The following SCNN1B variants were observed in gnomAD, a reference collection of about 807,000 sequenced individuals.
SCNN1B encodes sodium channel epithelial 1 subunit beta, also known as epithelial sodium channel subunit beta.
Under a neutral mutation model 65.3 loss-of-function variants are expected in SCNN1B, and 46 were observed. The ratio of observed to expected loss-of-function variants is 0.70; its 90% CI spans 0.56 to 0.90. The LOEUF (loss-of-function observed/expected upper bound fraction) is 0.90, where lower values mean the gene tolerates loss of function less well. Ranked by LOEUF, SCNN1B falls within the 40% of genes least tolerant of loss-of-function variation. The pLI is 0.00. For missense variants in SCNN1B, 751 were observed against 830.5 expected (o/e 0.90, Z 1.18); for synonymous variants, 349 against 330.6 (o/e 1.06, Z -0.60).
intron 1 of SCNN1B, among the ~76,000 whole-genome samples, chr16:23,310,524 T>C (rs1421673021): frequency 2.6e-5 from 4 of 152,064 alleles, no homozygotes; most frequent in African/African-American, 9.7e-5. Flanking sequence ...ACCTCTATAA[T>C]AAAAGAATGA....
intron 2 of SCNN1B, among the ~76,000 whole-genome samples, chr16:23,294,889 A>C (rs1960974055): frequency 6.6e-6 from 1 of 152,046 alleles, no homozygotes; most frequent in Admixed American, 6.6e-5. Context: ...GCTACTCGGG[A>C]GGCTGAGGCA....
At chr16:23,327,744 C>A (rs770731781) in intron 1 of SCNN1B, among the ~76,000 whole-genome samples, 21 of 152,128 alleles carry the variant, frequency 1.4e-4, no homozygotes, top group Non-Finnish European at 2.8e-4. Flanking sequence ...AAATGTGGTG[C>A]TTGGCTAGCA....
intron 2 of SCNN1B, among the ~76,000 whole-genome samples, chr16:23,349,523 C>T (rs1032135944): frequency 1.3e-5 from 2 of 152,090 alleles, no homozygotes; most frequent in African/African-American, 2.4e-5. Flanking sequence ...GCATTCCAGC[C>T]TGGGTAACAG....
intron 4 of SCNN1B, among the ~76,000 whole-genome samples, chr16:23,360,783 G>A (rs930744303): frequency 2.0e-5 from 3 of 150,640 alleles, no homozygotes; most frequent in African/African-American, 7.3e-5. Context: ...TTGGTTTTTG[G>A]TTTTTGGTTT....
intron 1 of SCNN1B, chr16:23,303,945 G>A (rs1961139139): frequency 1.3e-6 from 1 of 786,444 alleles, no homozygotes; most frequent in African/African-American, 1.7e-5. Context: ...AAGTAGAAAT[G>A]GTACAACCCA....
intron 1 of SCNN1B, among the ~76,000 whole-genome samples, chr16:23,318,248 A>T (rs1961513223): frequency 6.6e-6 from 1 of 152,158 alleles, no homozygotes; most frequent in Non-Finnish European, 1.5e-5. Context: ...ACTTACTCTC[A>T]CTGTGTGATT....
At chr16:23,372,212 T>C in intron 7 of SCNN1B, 1 of 424,512 alleles carries the variant, frequency 2.4e-6, no homozygotes, top group South Asian at 2.2e-5. Flanking sequence ...TGAAATGCTG[T>C]GCGAAGGGCT....
chr16:23,324,820 CAA>C (rs1415282274), intron 1 of SCNN1B, among the ~76,000 whole-genome samples: 1 of 152,204 alleles, frequency 6.6e-6, no homozygotes, highest in Non-Finnish European at 1.5e-5. Flanking sequence ...TGCTGGCTGT[CAA>C]CACACACCAC....
chr16:23,379,426 G>T (rs1183228114), intron 11 of SCNN1B, among the ~76,000 whole-genome samples: 1 of 152,154 alleles, frequency 6.6e-6, no homozygotes, highest in African/African-American at 2.4e-5. Context: ...GTCTGCCTGA[G>T]AGATAAGGGA....
chr16:23,295,216 G>A (rs192079061), intron 2 of SCNN1B, among the ~76,000 whole-genome samples: 1 of 152,004 alleles, frequency 6.6e-6, no homozygotes. Context: ...TTAATGTTTG[G>A]CCTTACTTCA....
chr16:23,345,609 C>G (rs866034253), intron 1 of SCNN1B, among the ~76,000 whole-genome samples: 2 of 152,316 alleles, frequency 1.3e-5, no homozygotes, highest in Non-Finnish European at 1.5e-5. Context: ...GTCTCTCCTT[C>G]AGTTATTCCA....
intron 1 of SCNN1B, among the ~76,000 whole-genome samples, chr16:23,282,697 T>A (rs1011722093): frequency 6.6e-6 from 1 of 152,186 alleles, no homozygotes. Flanking sequence ...CCATGTCAGT[T>A]TACTATTGCC....
At chr16:23,325,687 G>A (rs1961681262) in intron 1 of SCNN1B, among the ~76,000 whole-genome samples, 1 of 151,850 alleles carries the variant, frequency 6.6e-6, no homozygotes, top group Non-Finnish European at 1.5e-5. Flanking sequence ...CCCCTGTTCT[G>A]CCAAATAGTA....
intron 1 of SCNN1B, among the ~76,000 whole-genome samples, chr16:23,335,550 C>T (rs967813235): frequency 3.3e-5 from 5 of 151,114 alleles, no homozygotes; most frequent in East Asian, 1.9e-4. Context: ...CAGGTTCAAG[C>T]GATTCTCCTG....
rs140465818 is a variant in SCNN1B, at chr16:23,362,665, A to G, written c.777-5191A>G. ...CCTCTCTGGGTGAAGAGTATTATCAACAAGCAAATAGTTGGCACGCACGTG... is the reference window on the plus strand; with the variant it reads ...CCTCTCTGGGTGAAGAGTATTATCAGCAAGCAAATAGTTGGCACGCACGTG... On this transcript the variant is annotated intron_variant, in intron 4 of 12. Transcript: ENST00000343070. Among the ~76,000 whole-genome samples, 104 of 152,304 alleles carry G rather than the reference A, an allele frequency of 6.8e-4. No homozygotes were observed. In the East Asian group the frequency reaches 0.017, roughly 25 times the overall value.
At chr16:23,322,727 T>C (rs1372479146) in intron 1 of SCNN1B, among the ~76,000 whole-genome samples, 2 of 152,216 alleles carry the variant, frequency 1.3e-5, no homozygotes, top group Non-Finnish European at 2.9e-5. Context: ...CAACATATAA[T>C]CAATATTAAA....
In SCNN1B at chr16:23,348,896, T is replaced by C. The variant is rs760291140; in HGVS notation, c.297T>C (p.Asn99=). ...TMDFPAVTIC[N]ASPFKYSKIK... ...ACTTCCCTGCCGTCACCATCTGCAA[T>C]GCTAGCCCCTTCAAGTAGGTGGCCC... The change falls in exon 2 of 13, where the codon AAT becomes AAC. Residue 99 remains asparagine (N), a synonymous_variant. Coordinates refer to ENST00000343070, the MANE Select transcript of SCNN1B (RefSeq NM_000336.3). This position sits in a 1 kb window ranked among gnomAD's most constrained non-coding sequence, Gnocchi z 4.5. The C allele has an allele frequency of 3.3e-5, 54 of 1,614,082 alleles. No individual in the cohort carries two copies. In the South Asian group the frequency reaches 5.6e-4, roughly 17 times the overall value.
intron 2 of SCNN1B, among the ~76,000 whole-genome samples, chr16:23,295,571 C>T (rs1267644214): frequency 1.3e-5 from 2 of 151,992 alleles, no homozygotes; most frequent in African/African-American, 2.4e-5. Context: ...AGACTGGTCT[C>T]GAACTCCTGG....
rs1416631579 is a variant in SCNN1B at position 23,348,761 on chromosome 16, G to A, written c.162G>A (p.Leu54=). Residue 54 remains leucine (L), a synonymous_variant, in exon 2 of 13, where the codon CTG becomes CTA. Coordinates refer to ENST00000343070, the MANE Select transcript of SCNN1B (RefSeq NM_000336.3). This position sits in a 1 kb window ranked among gnomAD's most constrained non-coding sequence, Gnocchi z 4.5. ...CCAAGAAGAAAGCCATGTGGTTCCT[G>A]CTCACCCTGCTCTTCGCCGCCCTCG... ...EGPKKKAMWF[L]LTLLFAALVC... 1.2e-6 allele frequency: 2 copies of A among 1,614,170 alleles called. No homozygotes were observed. Among genetic ancestry groups the A allele is most frequent in the South Asian group, 1.1e-5 (1 of 91,078 alleles).
Sources: gnomAD v4.1 joint callset for allele counts (sites outside exome capture counted in the v4.1 genomes callset) on GRCh38, gnomAD v4.1.1 for gene constraint, Gnocchi (gnomAD v3.1) non-coding constraint, MANE v1.5 for transcripts, NCBI Gene and HGNC (gene_info 2026-07-23, HGNC 2026-07-21) for gene names.